ATAD1: variants seen among roughly 807,000 people sequenced by gnomAD.
ATAD1 encodes the protein outer mitochondrial transmembrane helix translocase.
Under a neutral mutation model 42.7 loss-of-function variants are expected in ATAD1, and 18 were observed. The ratio of observed to expected loss-of-function variants is 0.42; its 90% CI spans 0.29 to 0.63. The LOEUF is 0.63. ATAD1 is among the 20% of genes least tolerant of loss of function. The pLI is 0.19. For synonymous variants in ATAD1, 132 were observed against 143.1 expected, an observed-to-expected ratio of 0.92 and a Z score of 0.55; for missense variants, 294 against 440.4, an observed-to-expected ratio of 0.67 and a Z score of 2.98.
intron 2 of ATAD1, among the ~76,000 whole-genome samples, chr10:87,803,785 C>T (rs750980112): frequency 3.3e-5 from 5 of 152,188 alleles, no homozygotes; most frequent in East Asian, 1.9e-4. Context: ...CAGATATTTG[C>T]GGTTCGCAGT....
chr10:87,766,125 G>A (rs1024203931), intron 8 of ATAD1, among the ~76,000 whole-genome samples: 1 of 152,082 alleles, frequency 6.6e-6, no homozygotes, highest in African/African-American at 2.4e-5. Context: ...ACATTCTGTT[G>A]GCAAGACTAT....
At chr10:87,796,276 C>A (rs147817072) in intron 2 of ATAD1, among the ~76,000 whole-genome samples, 1,940 of 152,260 alleles carry the variant, frequency 0.013, 35 homozygotes, top group Middle Eastern at 0.078. Context: ...AATCACTAAG[C>A]TAAAGGGAAA....
intron 8 of ATAD1, among the ~76,000 whole-genome samples, chr10:87,760,263 G>C (rs1854420686): frequency 6.6e-6 from 1 of 152,096 alleles, no homozygotes; most frequent in African/African-American, 2.4e-5. Context: ...GACCTGGTGG[G>C]AAGTGATTGG....
chr10:87,838,983 C>T (rs147637273), intron 1 of ATAD1, among the ~76,000 whole-genome samples: 1 of 152,326 alleles, frequency 6.6e-6, no homozygotes, highest in African/African-American at 2.4e-5. Flanking sequence ...ATTCTTGGCA[C>T]TACATATTGC....
chr10:87,840,149 T>G (rs1010247919), intron 1 of ATAD1, among the ~76,000 whole-genome samples: 1 of 152,250 alleles, frequency 6.6e-6, no homozygotes. Context: ...GTGATTTGGC[T>G]ACTTCCATCT....
intron 2 of ATAD1, among the ~76,000 whole-genome samples, chr10:87,804,945 A>G (rs546895933): frequency 6.6e-5 from 10 of 152,158 alleles, no homozygotes; most frequent in Non-Finnish European, 1.5e-4. Context: ...GCCTTTCACA[A>G]ACTGAAGGTT....
rs113141122 is a variant in ATAD1, at chr10:87,818,174, C to A, written c.-21G>T. 3 of 985,532 alleles carry A rather than the reference C, an allele frequency of 3.0e-6. No individual in the cohort carries two copies. Among genetic ancestry groups the A allele is most frequent in the Admixed American group, 6.1e-5 (1 of 16,276 alleles). The allele number at this position is 985,532 out of a possible 1,614,324, so 61.0% of individuals were successfully genotyped here. A position where few individuals can be genotyped will look rare whatever the true frequency, so the allele number is the denominator to read the frequency against. Reference sequence around the variant, plus strand: ...CGGGAACCAGCTACTCACCCAGGGGCAGAAACAGCAAGAGCAAGTGCCCTC... The same window carrying A: ...CGGGAACCAGCTACTCACCCAGGGGAAGAAACAGCAAGAGCAAGTGCCCTC... On this transcript the variant is annotated 5_prime_UTR_variant, in exon 1 of 10. Coordinates refer to ENST00000680024, the MANE Select transcript of ATAD1 (RefSeq NM_001321967.2).
intron 1 of ATAD1, among the ~76,000 whole-genome samples, chr10:87,837,986 T>C (rs1394224676): frequency 6.6e-6 from 1 of 152,206 alleles, no homozygotes; most frequent in Non-Finnish European, 1.5e-5. Flanking sequence ...TTCCTGCTCC[T>C]TGAGCCAGAA....
At chr10:87,778,198 A>AAC (rs1855401236) in intron 5 of ATAD1, among the ~76,000 whole-genome samples, 2 of 150,746 alleles carry the variant, frequency 1.3e-5, no homozygotes, top group African/African-American at 2.4e-5. Flanking sequence ...AAAAAAAAAA[A>AAC]AACTCAAGGC....
chr10:87,824,193 G>A (rs1857683442), intron 1 of ATAD1, among the ~76,000 whole-genome samples: 1 of 152,044 alleles, frequency 6.6e-6, no homozygotes. Context: ...TAGGACATAG[G>A]AGAGGTATAG....
chr10:87,764,746 C>T (rs1229039507), intron 8 of ATAD1, among the ~76,000 whole-genome samples: 1 of 152,162 alleles, frequency 6.6e-6, no homozygotes, highest in Non-Finnish European at 1.5e-5. Flanking sequence ...AACTACTCCT[C>T]TGCAATCGGC....
intron 4 of ATAD1, 94 bp from the exon 5 acceptor site, chr10:87,784,764 T>G: frequency 1.7e-6 from 2 of 1,150,926 alleles, no homozygotes; most frequent in East Asian, 2.6e-5. Context: ...CACAAAAAAC[T>G]TTCCCAATAT....
intron 8 of ATAD1, among the ~76,000 whole-genome samples, chr10:87,761,332 T>C (rs890693020): frequency 6.6e-6 from 1 of 152,212 alleles, no homozygotes; most frequent in Admixed American, 6.5e-5. Context: ...TTAGAGACTA[T>C]ACTTTGTGGT....
At chr10:87,826,611 G>A (rs184454872) in intron 1 of ATAD1, among the ~76,000 whole-genome samples, 17 of 152,304 alleles carry the variant, frequency 1.1e-4, no homozygotes, top group Admixed American at 3.3e-4. Context: ...TGGCTGGACC[G>A]TGTGCCACCT....
chr10:87,808,743 G>A (rs1216422640), intron 2 of ATAD1, among the ~76,000 whole-genome samples: 4 of 152,108 alleles, frequency 2.6e-5, no homozygotes, highest in African/African-American at 4.8e-5. Context: ...AATGAAGCCA[G>A]GCTTAAACTC....
At chr10:87,781,325 A>C (rs1855549795) in intron 5 of ATAD1, among the ~76,000 whole-genome samples, 1 of 152,180 alleles carries the variant, frequency 6.6e-6, no homozygotes, top group Admixed American at 6.5e-5. Flanking sequence ...AAAAAGGGAA[A>C]CATTTTATAA....
At chr10:87,758,772 C>G (rs753993837) in intron 8 of ATAD1, among the ~76,000 whole-genome samples, 1 of 151,880 alleles carries the variant, frequency 6.6e-6, no homozygotes, top group Non-Finnish European at 1.5e-5. Context: ...CAGAAAAATA[C>G]AACAATTCTG....
At chr10:87,821,673 C>G (rs1488888424), upstream of ATAD1, among the ~76,000 whole-genome samples, 1 of 152,184 alleles carries the variant, frequency 6.6e-6, no homozygotes, top group African/African-American at 2.4e-5. Flanking sequence ...CTGCATTTTA[C>G]AGTAAGCATC....
intron 1 of ATAD1, among the ~76,000 whole-genome samples, chr10:87,815,232 G>C (rs1332783654): frequency 6.6e-6 from 1 of 151,968 alleles, no homozygotes; most frequent in African/African-American, 2.4e-5. Flanking sequence ...GAAAAATCTT[G>C]AACTGAGACA....
Sources: allele counts gnomAD v4.1 joint callset (sites outside exome capture counted in the v4.1 genomes callset), GRCh38; gene constraint gnomAD v4.1.1; transcripts MANE v1.5; gene names NCBI Gene and HGNC (gene_info 2026-07-23, HGNC 2026-07-21).